The following RHOBTB1 variants were observed in gnomAD, a reference collection of about 807,000 sequenced individuals.
The protein encoded by RHOBTB1 is rho-related BTB domain-containing protein 1.
Under a neutral mutation model 71.6 loss-of-function variants are expected in RHOBTB1, and 40 were observed. That is an observed-to-expected ratio of 0.56 (90% CI 0.43 to 0.73). The LOEUF (loss-of-function observed/expected upper bound fraction) is 0.73. Ranked by LOEUF, RHOBTB1 falls within the 30% of genes least tolerant of loss-of-function variation. The probability of loss-of-function intolerance (pLI) is 0.00; values close to 1 mark genes in which losing one functional copy is unlikely to be tolerated. For synonymous variants in RHOBTB1, 319 were observed against 334.9 expected (o/e 0.95, Z 0.52); for missense variants, 797 against 894.0 (o/e 0.89, Z 1.38).
chr10:60,907,652 T>G (rs1286219518), intron 4 of RHOBTB1, among the ~76,000 whole-genome samples: 2 of 152,180 alleles, frequency 1.3e-5, no homozygotes, highest in African/African-American at 2.4e-5. Flanking sequence ...TATCAATACT[T>G]TTTTTTGGAT....
intron 5 of RHOBTB1, among the ~76,000 whole-genome samples, chr10:60,891,267 T>A (rs1022029613): frequency 1.3e-5 from 2 of 151,252 alleles, no homozygotes; most frequent in African/African-American, 4.9e-5. Context: ...TGTGTCAATA[T>A]AAAATTTTGT....
At chr10:60,988,754 T>C (rs1035446813) in intron 1 of RHOBTB1, among the ~76,000 whole-genome samples, 5 of 152,198 alleles carry the variant, frequency 3.3e-5, no homozygotes. Context: ...TGAATAGTGA[T>C]GTGAAGAACA....
At chr10:60,890,830 G>T (rs1432724354) in intron 5 of RHOBTB1, among the ~76,000 whole-genome samples, 3 of 152,224 alleles carry the variant, frequency 2.0e-5, no homozygotes, top group Non-Finnish European at 4.4e-5. Flanking sequence ...TCGCTCCTGA[G>T]AGCATTGTGT....
chr10:61,001,032 C>T (rs1162608484), intron 1 of RHOBTB1, among the ~76,000 whole-genome samples: 2 of 151,868 alleles, frequency 1.3e-5, no homozygotes, highest in Non-Finnish European at 2.9e-5. Flanking sequence ...CTGGCCACCC[C>T]CGCCTCCGCC....
intron 1 of RHOBTB1, among the ~76,000 whole-genome samples, chr10:60,996,530 A>C (rs1359342965): frequency 6.6e-6 from 1 of 152,014 alleles, no homozygotes; most frequent in African/African-American, 2.4e-5. Context: ...GATGTCCCCC[A>C]CTGTAGATGA....
rs551804093 is a variant in RHOBTB1, at chr10:60,971,398, A to G, written c.-62+14447T>C. On this transcript the variant is annotated intron_variant, in intron 2 of 11. Transcript: ENST00000357917. Reference sequence around the variant, plus strand: ...GCCTCAGAAATAATGCCACACATCTACAACCATCTGATCTTTGACAAACCT... The same window carrying G: ...GCCTCAGAAATAATGCCACACATCTGCAACCATCTGATCTTTGACAAACCT... Among the ~76,000 whole-genome samples, 6 of 152,134 alleles carry G rather than the reference A, an allele frequency of 3.9e-5. No individual in the cohort carries two copies. The South Asian group carries it at 8.3e-4, about 21-fold the overall frequency.
At chr10:60,931,336 T>A (rs186144075) in intron 2 of RHOBTB1, among the ~76,000 whole-genome samples, 1 of 152,308 alleles carries the variant, frequency 6.6e-6, no homozygotes, top group East Asian at 1.9e-4. Context: ...CAGTCATTCT[T>A]TATTCTCGTT....
intron 7 of RHOBTB1, among the ~76,000 whole-genome samples, chr10:60,883,561 T>C (rs2081426970): frequency 6.6e-6 from 1 of 152,206 alleles, no homozygotes; most frequent in African/African-American, 2.4e-5. Flanking sequence ...TTCAGTGAGC[T>C]GGACAAAGAA....
chr10:60,870,664 A>G lies in RHOBTB1; in HGVS notation c.*818T>C, dbSNP rs2080737068. ...TAAACCCTAATACAGCAATCCGAAC[A>G]CCAGCGCACTAATGGTATCTTATGT... On this transcript the variant is annotated 3_prime_UTR_variant, in exon 11 of 11. Coordinates refer to ENST00000337910, the MANE Select transcript of RHOBTB1 (RefSeq NM_014836.5). The G allele has an allele frequency of 6.6e-6, 1 of 152,374 alleles. No homozygotes were observed. The highest frequency in any genetic ancestry group is 1.5e-5 in the Non-Finnish European group (1 of 68,044). 9.4% of individuals were successfully genotyped at this position (152,374 alleles called of 1,614,324 possible).
intron 2 of RHOBTB1, among the ~76,000 whole-genome samples, chr10:60,979,757 G>T (rs895890155): frequency 1.3e-5 from 2 of 152,140 alleles, no homozygotes; most frequent in South Asian, 4.1e-4. Context: ...TCAGAAAAGG[G>T]AACTAGGAAG....
chr10:60,899,536 T>C (rs1194289381), intron 4 of RHOBTB1, among the ~76,000 whole-genome samples: 3 of 152,192 alleles, frequency 2.0e-5, no homozygotes, highest in Non-Finnish European at 4.4e-5. Flanking sequence ...AGCACGATCA[T>C]TTGACCATGA....
chr10:60,882,644 A>AT (rs901189152), intron 7 of RHOBTB1, among the ~76,000 whole-genome samples: 10 of 152,080 alleles, frequency 6.6e-5, no homozygotes, highest in African/African-American at 2.4e-4. Context: ...CTGGCATCAG[A>AT]TTTTCAGATT....
At chr10:60,886,659 T>C (rs889585809) in intron 6 of RHOBTB1, among the ~76,000 whole-genome samples, 1 of 151,094 alleles carries the variant, frequency 6.6e-6, no homozygotes, top group Non-Finnish European at 1.5e-5. Flanking sequence ...ATTTATAATA[T>C]GCTCTACTCG....
chr10:60,920,271 A>G (rs1488482249), intron 2 of RHOBTB1, among the ~76,000 whole-genome samples: 2 of 152,222 alleles, frequency 1.3e-5, no homozygotes, highest in African/African-American at 4.8e-5. Context: ...AGAAACAAGT[A>G]AACAGGTAGA....
intron 2 of RHOBTB1, among the ~76,000 whole-genome samples, chr10:60,926,339 C>CA (rs2083882829): frequency 6.6e-6 from 1 of 152,106 alleles, no homozygotes; most frequent in Non-Finnish European, 1.5e-5. Context: ...CAAGCTATTT[C>CA]AAAAAATCAA....
At chr10:60,889,322 C>A in intron 5 of RHOBTB1, 137 bp from the exon 6 acceptor site, 1 of 764,010 alleles carries the variant, frequency 1.3e-6, no homozygotes, top group Non-Finnish European at 2.0e-6. Context: ...AAATCTGCCA[C>A]CACCTCAAGT....
At chr10:60,927,007 T>G (rs957215381) in intron 2 of RHOBTB1, among the ~76,000 whole-genome samples, 3 of 152,182 alleles carry the variant, frequency 2.0e-5, no homozygotes, top group African/African-American at 7.2e-5. Context: ...CTATCAGAAC[T>G]GATAAATAGT....
At chr10:60,862,328 G>C in the RHOBTB1 span, among the ~76,000 whole-genome samples, 2 of 151,956 alleles carry the variant, frequency 1.3e-5, no homozygotes, top group Non-Finnish European at 2.9e-5. Context: ...CTCTCTAGTA[G>C]CTGAGACTAC....
intron 2 of RHOBTB1, among the ~76,000 whole-genome samples, chr10:60,925,624 A>G (rs550546389): frequency 7.4e-4 from 113 of 152,232 alleles, no homozygotes; most frequent in African/African-American, 2.6e-3. Context: ...AAAAATCAAC[A>G]AAATGAATTT....
Sources: allele counts gnomAD v4.1 joint callset (sites outside exome capture counted in the v4.1 genomes callset), GRCh38; gene constraint gnomAD v4.1.1; transcripts MANE v1.5; gene names NCBI Gene and HGNC (gene_info 2026-07-23, HGNC 2026-07-21).